The following NRXN1 variants were observed in gnomAD, a reference collection of about 807,000 sequenced individuals.
The protein encoded by NRXN1 is neurexin-1.
NRXN1 carries 39 observed loss-of-function variants against 150.9 expected under a neutral mutation model. That is an observed-to-expected ratio of 0.26 (90% confidence interval 0.20 to 0.34). The LOEUF is 0.34. Among genes scored for constraint, NRXN1 ranks in the 10% least tolerant of loss-of-function variants. NRXN1 has a pLI of 1.00. For synonymous variants in NRXN1, 924 were observed against 757.0 expected, an observed-to-expected ratio of 1.22 and a Z score of -3.62; for missense variants, 1,815 against 1,949.9, an observed-to-expected ratio of 0.93 and a Z score of 1.30.
At chr2:50,489,965 C>T (rs1387758913) in intron 15 of NRXN1, among the ~76,000 whole-genome samples, 1 of 152,144 alleles carries the variant, frequency 6.6e-6, no homozygotes, top group East Asian at 1.9e-4. Flanking sequence ...CTGACAAAGG[C>T]TTTACAGTAC....
intron 5 of NRXN1, among the ~76,000 whole-genome samples, chr2:50,747,724 G>C (rs886805886): frequency 1.3e-5 from 2 of 151,990 alleles, no homozygotes; most frequent in Admixed American, 6.6e-5. Context: ...AGTAATATGA[G>C]TAATAATAAT....
chr2:50,229,318 C>T (rs115508014), intron 18 of NRXN1, among the ~76,000 whole-genome samples: 1,324 of 122,184 alleles, frequency 0.011, 23 homozygotes, highest in African/African-American at 0.04. Context: ...TGGCTTTCAG[C>T]GCATTTTTTT....
At chr2:50,208,580 G>A (rs1055636730) in intron 18 of NRXN1, among the ~76,000 whole-genome samples, 3 of 152,048 alleles carry the variant, frequency 2.0e-5, no homozygotes, top group Admixed American at 2.0e-4. Context: ...TTAGAGAGGA[G>A]GTGGTGGTGG....
intron 5 of NRXN1, among the ~76,000 whole-genome samples, chr2:50,823,168 C>A (rs1341742220): frequency 6.6e-6 from 1 of 152,068 alleles, no homozygotes; most frequent in Non-Finnish European, 1.5e-5. Flanking sequence ...AAAAGATAGG[C>A]CAAAACAGCT....
At chr2:49,972,235 C>A (rs746192236) in intron 21 of NRXN1, among the ~76,000 whole-genome samples, 22 of 151,810 alleles carry the variant, frequency 1.4e-4, no homozygotes, top group Non-Finnish European at 2.8e-4. Flanking sequence ...AAAACTGTGT[C>A]CAGTTCTCTG....
At chr2:50,732,361 T>G (rs1394013616) in intron 5 of NRXN1, among the ~76,000 whole-genome samples, 1 of 152,028 alleles carries the variant, frequency 6.6e-6, no homozygotes, top group East Asian at 1.9e-4. Flanking sequence ...TAATTACTAT[T>G]AGGATAAAAA....
At chr2:50,102,595 T>G (rs1283253714) in intron 18 of NRXN1, among the ~76,000 whole-genome samples, 1 of 152,060 alleles carries the variant, frequency 6.6e-6, no homozygotes, top group African/African-American at 2.4e-5. Context: ...CGTTACACAT[T>G]AAAACTTACT....
chr2:50,748,876 T>C (rs992438960), intron 5 of NRXN1, among the ~76,000 whole-genome samples: 11 of 152,170 alleles, frequency 7.2e-5, no homozygotes, highest in African/African-American at 2.6e-4. Context: ...TGTCAGTGAG[T>C]GTCTGGTTTC....
chr2:50,650,309 T>C (rs899771141), intron 5 of NRXN1, among the ~76,000 whole-genome samples: 2 of 152,102 alleles, frequency 1.3e-5, no homozygotes, highest in Non-Finnish European at 2.9e-5. Flanking sequence ...GCAAGTGGTA[T>C]ATGACTCCTG....
At chr2:50,137,269 A>G (rs1706562791) in intron 18 of NRXN1, among the ~76,000 whole-genome samples, 1 of 152,190 alleles carries the variant, frequency 6.6e-6, no homozygotes, top group African/African-American at 2.4e-5. Context: ...ACCCTGATAT[A>G]TACAAACCAG....
intron 21 of NRXN1, among the ~76,000 whole-genome samples, chr2:49,976,266 C>T (rs1447340953): frequency 2.0e-5 from 3 of 151,280 alleles, no homozygotes; most frequent in East Asian, 1.9e-4. Context: ...CTCCTGATCT[C>T]GAGTGATCCG....
chr2:50,048,735 C>A (rs1471846022), intron 21 of NRXN1, among the ~76,000 whole-genome samples: 1 of 152,140 alleles, frequency 6.6e-6, no homozygotes, highest in Non-Finnish European at 1.5e-5. Context: ...ATGTCTCTTA[C>A]AATCTACCAA....
chr2:50,106,898 G>T (rs531847407), intron 18 of NRXN1, among the ~76,000 whole-genome samples: 75 of 151,964 alleles, frequency 4.9e-4, no homozygotes, highest in African/African-American at 1.8e-3. Context: ...TCCAATCTAT[G>T]TTACAAGAGC....
At chr2:50,135,626 G>A (rs1023006311) in intron 18 of NRXN1, among the ~76,000 whole-genome samples, 4 of 152,176 alleles carry the variant, frequency 2.6e-5, no homozygotes, top group Non-Finnish European at 5.9e-5. Flanking sequence ...GGGAGTCAGA[G>A]CTTGCAGTGA....
intron 12 of NRXN1, among the ~76,000 whole-genome samples, chr2:50,524,122 A>C (rs1365862840): frequency 6.6e-6 from 1 of 152,200 alleles, no homozygotes; most frequent in African/African-American, 2.4e-5. Flanking sequence ...AAAGCCACAT[A>C]ATGCAAACAA....
chr2:49,997,890 G>A (rs1452481458), intron 21 of NRXN1, among the ~76,000 whole-genome samples: 4 of 152,108 alleles, frequency 2.6e-5, no homozygotes, highest in African/African-American at 7.2e-5. Context: ...AAGGAGGCAA[G>A]GAAGGCTTAA....
At chr2:49,985,169 A>G (rs1021671795) in intron 21 of NRXN1, among the ~76,000 whole-genome samples, 2 of 152,208 alleles carry the variant, frequency 1.3e-5, no homozygotes, top group South Asian at 2.1e-4. Flanking sequence ...TAAGGTATCA[A>G]TAAGATAAAA....
chr2:50,230,173 T>G (rs907784800), intron 18 of NRXN1, among the ~76,000 whole-genome samples: 1 of 152,018 alleles, frequency 6.6e-6, no homozygotes, highest in African/African-American at 2.4e-5. Context: ...GGACCAACCC[T>G]GAAAACACTC....
intron 2 of NRXN1, among the ~76,000 whole-genome samples, chr2:50,988,682 G>A (rs796094167): frequency 5.3e-5 from 8 of 151,992 alleles, no homozygotes; most frequent in African/African-American, 7.2e-5. Context: ...TAAAACAACC[G>A]AGATAACTCA....
Sources: gnomAD v4.1 joint callset for allele counts (sites outside exome capture counted in the v4.1 genomes callset) on GRCh38, gnomAD v4.1.1 for gene constraint, MANE v1.5 for transcripts, NCBI Gene and HGNC (gene_info 2026-07-23, HGNC 2026-07-21) for gene names.